TMC7: variants seen among roughly 807,000 people sequenced by gnomAD.
TMC7 encodes the protein transmembrane channel like 7.
In TMC7, 54 loss-of-function variants were observed where a neutral mutation model predicts 82.9. The observed-to-expected ratio is 0.65, with a 90% confidence interval of 0.52 to 0.82. TMC7 has a LOEUF of 0.82. Ranked by LOEUF, TMC7 falls within the 40% of genes least tolerant of loss-of-function variation. The pLI, the probability that TMC7 is intolerant of heterozygous loss-of-function variation, is 0.00. For missense variants in TMC7, 820 were observed against 901.2 expected, an observed-to-expected ratio of 0.91 and a Z score of 1.15; for synonymous variants, 350 against 337.9, an observed-to-expected ratio of 1.04 and a Z score of -0.39.
rs202073301 is a variant in TMC7 at position 19,009,405 on chromosome 16, C to T, written c.301C>T (p.Arg101Trp). The T allele has an allele frequency of 2.2e-5, 35 of 1,612,672 alleles. No individual in the cohort carries two copies. Among genetic ancestry groups the T allele is most frequent in the African/African-American group, 4.0e-5 (3 of 74,886 alleles). ...TTATGCACTGAACATCTCTGAGAAGCGGAGACTAAGGTTTGTTCACTAGCC... is the reference window on the plus strand; with the variant it reads ...TTATGCACTGAACATCTCTGAGAAGTGGAGACTAAGGTTTGTTCACTAGCC... Reference protein sequence around the residue: ...RNYALNISEKRRLRDIQETQM... With the variant: ...RNYALNISEKWRLRDIQETQM... The change falls in exon 2 of 16, where the codon CGG becomes TGG. Residue 101 changes from arginine (R) to tryptophan (W), a missense_variant. This residue lies in a region of TMC7 where 650 missense variants were observed against 669.9 expected (regional missense o/e 0.97). Transcript: ENST00000304381.
intron 6 of TMC7, among the ~76,000 whole-genome samples, chr16:19,031,988 T>C (rs1960538270): frequency 6.6e-6 from 1 of 152,210 alleles, no homozygotes; most frequent in Non-Finnish European, 1.5e-5. Flanking sequence ...GAAACATTGC[T>C]TCTGGCTGGG....
At chr16:19,023,972 T>C (rs1006483451) in intron 5 of TMC7, among the ~76,000 whole-genome samples, 7 of 152,220 alleles carry the variant, frequency 4.6e-5, no homozygotes, top group African/African-American at 1.7e-4. Flanking sequence ...TCAGATGATA[T>C]GCACATATAC....
chr16:18,983,961 G>T lies in TMC7; in HGVS notation c.-103G>T, dbSNP rs746142102. ...TCCGGCTTCTGTGATGTCAGCGCCG[G>T]AACCTGGAATCCCGGCTCCGCGAGG... On this transcript the variant is annotated 5_prime_UTR_variant, in exon 1 of 16. It introduces an in-frame stop codon into an upstream open reading frame of the 5' UTR. Transcript: ENST00000304381. The T allele has an allele frequency of 5.6e-6, 7 of 1,252,760 alleles. No individual in the cohort carries two copies. Among genetic ancestry groups the T allele is most frequent in the Non-Finnish European group, 7.2e-6 (7 of 974,496 alleles). The allele number at this position is 1,252,760 out of a possible 1,614,324, so 77.6% of individuals were successfully genotyped here.
chr16:19,040,950 A>C (rs36109951), intron 9 of TMC7, among the ~76,000 whole-genome samples: 22,654 of 143,178 alleles, frequency 0.16, 2,187 homozygotes, highest in Non-Finnish European at 0.21. Flanking sequence ...GAGTGCAGTG[A>C]TGTGATCATA....
chr16:19,052,243 A>G (rs933039932), intron 13 of TMC7, among the ~76,000 whole-genome samples: 1 of 151,948 alleles, frequency 6.6e-6, no homozygotes, highest in African/African-American at 2.4e-5. Flanking sequence ...GGCTTTTCTC[A>G]TGGTGTTCTA....
chr16:18,989,406 T>C (rs2038908704), intron 1 of TMC7, among the ~76,000 whole-genome samples: 1 of 152,112 alleles, frequency 6.6e-6, no homozygotes, highest in African/African-American at 2.4e-5. Context: ...GTGGCTTTTT[T>C]TTGTTTGTTT....
At chr16:19,004,119 G>A (rs987791356) in intron 1 of TMC7, among the ~76,000 whole-genome samples, 1 of 151,984 alleles carries the variant, frequency 6.6e-6, no homozygotes, top group Non-Finnish European at 1.5e-5. Context: ...GAAATGAGGT[G>A]ACGTCATGCT....
chr16:19,009,520 T>C, intron 2 of TMC7, 105 bp downstream of exon 2: 1 of 1,428,020 alleles, frequency 7.0e-7, no homozygotes. Context: ...ATTAAAATTT[T>C]ATTCCTTAGG....
intron 5 of TMC7, among the ~76,000 whole-genome samples, chr16:19,025,760 T>C (rs1474064067): frequency 6.6e-6 from 1 of 151,800 alleles, no homozygotes; most frequent in Non-Finnish European, 1.5e-5. Flanking sequence ...CCCCACCCTT[T>C]TTTTTTTTTC....
At chr16:19,059,674 T>A (rs1448490738) in intron 15 of TMC7, 180 bp downstream of exon 15, 40 of 1,538,274 alleles carry the variant, frequency 2.6e-5, no homozygotes, top group Non-Finnish European at 3.4e-5. Context: ...GATTCATCCA[T>A]TCCTTCAAGA....
intron 1 of TMC7, among the ~76,000 whole-genome samples, chr16:18,995,257 G>T (rs1482417022): frequency 6.6e-6 from 1 of 152,198 alleles, no homozygotes; most frequent in Non-Finnish European, 1.5e-5. Context: ...ACTGGCCCTT[G>T]AAAAGAGGGT....
chr16:19,029,994 G>A (rs1960434125), intron 5 of TMC7, among the ~76,000 whole-genome samples: 1 of 152,106 alleles, frequency 6.6e-6, no homozygotes, highest in South Asian at 2.1e-4. Flanking sequence ...GGGATTACAG[G>A]CGTGAGCCAC....
chr16:19,013,785 C>T (rs1310616086), intron 2 of TMC7, among the ~76,000 whole-genome samples: 1 of 150,688 alleles, frequency 6.6e-6, no homozygotes, highest in Admixed American at 6.7e-5. Context: ...TCCCAAAGTG[C>T]TGGGATTACA....
intron 15 of TMC7, chr16:19,059,740 G>A (rs1961924522): frequency 1.4e-6 from 2 of 1,425,454 alleles, no homozygotes; most frequent in South Asian, 2.5e-5. Flanking sequence ...CTTTTGGGAG[G>A]CCGAGGCAGG....
rs556993173 is a variant in TMC7 at position 18,992,467 on chromosome 16, G to A, written c.67+8337G>A. Among the ~76,000 whole-genome samples, 380 of 152,174 alleles carry A rather than the reference G, an allele frequency of 2.5e-3. 1 individual carries two copies. Among genetic ancestry groups the A allele is most frequent in the African/African-American group, 9.1e-3 (376 of 41,506 alleles). ...TTGTTTGTTTTTTTCTTGTAAATTT[G>A]TTTGAGTTCTTTGTAGATTCCGGAT... is the stretch of plus-strand genomic sequence containing the variant. On this transcript the variant is annotated intron_variant, in intron 1 of 15. Transcript: ENST00000304381.
intron 6 of TMC7, 110 bp from the exon 7 acceptor site, chr16:19,035,566 G>C (rs1960704896): frequency 3.6e-5 from 47 of 1,304,132 alleles, no homozygotes; most frequent in Middle Eastern, 4.0e-4. Context: ...ATGTCACAAT[G>C]GGCTGAAAAT....
intron 13 of TMC7, among the ~76,000 whole-genome samples, chr16:19,052,590 C>A (rs1176213278): frequency 6.6e-6 from 1 of 152,150 alleles, no homozygotes; most frequent in Admixed American, 6.6e-5. Flanking sequence ...GGTGGGGGTA[C>A]TGGTTGAGCC....
At chr16:19,051,565 G>T in intron 12 of TMC7, 121 bp from the exon 13 acceptor site, 1 of 1,165,516 alleles carries the variant, frequency 8.6e-7, no homozygotes, top group East Asian at 2.4e-5. Context: ...TGTATTGCTG[G>T]ACTACCCTCT....
intron 1 of TMC7, chr16:18,984,662 C>A: frequency 6.7e-6 from 2 of 299,814 alleles, no homozygotes; most frequent in Non-Finnish European, 9.9e-6. Flanking sequence ...AGCTGAGAAT[C>A]GTGTGATGTG....
Sources: gnomAD v4.1 joint callset for allele counts (sites outside exome capture counted in the v4.1 genomes callset) on GRCh38, gnomAD v4.1.1 for gene constraint, gnomAD v4.1.1 regional missense constraint, MANE v1.5 for transcripts, NCBI Gene and HGNC (gene_info 2026-07-23, HGNC 2026-07-21) for gene names.